Variants in TM7SF3 observed in about 807,000 individuals in gnomAD.
The protein encoded by TM7SF3 is transmembrane 7 superfamily member 3.
TM7SF3 carries 60 observed loss-of-function variants against 65.5 expected under a neutral mutation model. The observed-to-expected ratio is 0.92, with a 90% CI of 0.74 to 1.14. The LOEUF is 1.14. Ranked by LOEUF, TM7SF3 falls within the 50% of genes most tolerant of loss-of-function variation. The pLI, the probability that TM7SF3 is intolerant of heterozygous loss-of-function variation, is 0.00. For missense variants in TM7SF3, 623 were observed against 684.8 expected (o/e 0.91, Z 1.01); for synonymous variants, 264 against 259.6 (o/e 1.02, Z -0.16).
chr12:26,996,152 T>A (rs1292588456), intron 4 of TM7SF3, among the ~76,000 whole-genome samples: 5 of 150,978 alleles, frequency 3.3e-5, no homozygotes, highest in Non-Finnish European at 7.4e-5. Context: ...CATCTTTGAT[T>A]TAAAAAAAAA....
At position 26,975,550 on chromosome 12, in the gene TM7SF3, C is replaced by T. The variant is rs1036505328; in HGVS notation, c.1396G>A (p.Ala466Thr). 1 of 1,614,018 alleles carries T rather than the reference C, an allele frequency of 6.2e-7. No homozygotes were observed. Among genetic ancestry groups the T allele is most frequent in the African/African-American group, 1.3e-5 (1 of 74,928 alleles). Reference sequence around the variant, plus strand: ...GCTCTGTGGAAATCCTTGTTGAGCGCTCTCTTGAGTACGTTCAAAGTGATG... The same window carrying T: ...GCTCTGTGGAAATCCTTGTTGAGCGTTCTCTTGAGTACGTTCAAAGTGATG... The part of the protein sequence containing the change: ...SYITLNVLKR[A>T]LNKDFHRAFT... The change falls in exon 11 of 12, where the codon GCG becomes ACG. Residue 466 changes from alanine to threonine, a missense_variant. By Grantham distance (58) the Ala-to-Thr change is moderately conservative. Transcript: ENST00000343028.
chr12:27,001,771 A>G (rs1207593305), intron 2 of TM7SF3, among the ~76,000 whole-genome samples: 1 of 152,190 alleles, frequency 6.6e-6, no homozygotes, highest in Admixed American at 6.5e-5. Flanking sequence ...TAAGTCTCCT[A>G]TGTAAGAGTC....
chr12:26,990,576 G>A lies in TM7SF3; in HGVS notation c.742C>T (p.Pro248Ser). 1 of 1,614,078 alleles carries A rather than the reference G, an allele frequency of 6.2e-7. No individual in the cohort carries two copies. Among genetic ancestry groups the A allele is most frequent in the Non-Finnish European group, 8.5e-7 (1 of 1,179,940 alleles). The change falls in exon 6 of 12, where the codon CCG (proline) becomes TCG (serine). Residue 248 changes from proline to serine, a missense_variant. Physicochemically the swap from Pro to Ser is moderately conservative, Grantham distance 74. Transcript: ENST00000343028. ...DKTSVSFSSL[P>S]GQGVIYNVIV... The stretch of plus-strand genomic sequence containing the variant: ...ACATTGTATATGACACCTTGTCCCG[G>A]GAGGGAGGAGAAGGAAACACTTGTC...
intron 6 of TM7SF3, among the ~76,000 whole-genome samples, chr12:26,986,575 T>C (rs1940110198): frequency 6.6e-6 from 1 of 152,202 alleles, no homozygotes; most frequent in African/African-American, 2.4e-5. Context: ...CACTGTGCTT[T>C]AACTAGTGTC....
At chr12:26,997,556 C>A (rs1049592040) in intron 3 of TM7SF3, among the ~76,000 whole-genome samples, 1 of 152,144 alleles carries the variant, frequency 6.6e-6, no homozygotes, top group Non-Finnish European at 1.5e-5. Flanking sequence ...GGTAATTAGC[C>A]TTTTGTTATA....
At chr12:26,993,581 G>T (rs1449668703) in intron 5 of TM7SF3, among the ~76,000 whole-genome samples, 2 of 152,104 alleles carry the variant, frequency 1.3e-5, no homozygotes, top group Admixed American at 1.3e-4. Context: ...GAGACTATAA[G>T]GTCACTCCAT....
At chr12:26,993,810 A>G (rs1940476541) in intron 5 of TM7SF3, among the ~76,000 whole-genome samples, 1 of 152,258 alleles carries the variant, frequency 6.6e-6, no homozygotes, top group African/African-American at 2.4e-5. Flanking sequence ...CTGGGGAAGA[A>G]TTAGTTCCTC....
At chr12:27,011,826 C>T (rs937545079) in intron 1 of TM7SF3, among the ~76,000 whole-genome samples, 2 of 152,076 alleles carry the variant, frequency 1.3e-5, no homozygotes, top group Non-Finnish European at 2.9e-5. Context: ...AATATCAGTG[C>T]TATAATCATA....
At chr12:27,001,943 C>T (rs1487538743) in intron 2 of TM7SF3, among the ~76,000 whole-genome samples, 1 of 152,118 alleles carries the variant, frequency 6.6e-6, no homozygotes, top group East Asian at 1.9e-4. Context: ...TGTGTGACAT[C>T]GGTATCTCTT....
intron 1 of TM7SF3, among the ~76,000 whole-genome samples, chr12:27,013,832 A>C (rs1016339845): frequency 9.2e-5 from 14 of 152,216 alleles, no homozygotes; most frequent in Admixed American, 9.2e-4. Flanking sequence ...GTGTTAAAAA[A>C]AGAGAATTAT....
chr12:27,001,030 A>G (rs1295047940), intron 2 of TM7SF3, among the ~76,000 whole-genome samples: 1 of 152,154 alleles, frequency 6.6e-6, no homozygotes, highest in Non-Finnish European at 1.5e-5. Flanking sequence ...TTTGATAAGC[A>G]TAAGAAAGAA....
rs1164170959 is a variant in TM7SF3, at chr12:26,990,619, G to T, written c.699C>A (p.Thr233=). Residue 233 remains threonine, a synonymous_variant, in exon 6 of 12, where the codon ACC becomes ACA. Coordinates refer to ENST00000343028, the MANE Select transcript of TM7SF3 (RefSeq NM_016551.3). Reference sequence around the variant, plus strand: ...CACTTGTCTTATCATTAGCTGTTAGGGTAACCACCTGAAGCCAAAAATAAC... The same window carrying T: ...CACTTGTCTTATCATTAGCTGTTAGTGTAACCACCTGAAGCCAAAAATAAC... ...QVKASALKVV[T]LTANDKTSVS... is the part of the protein sequence containing the mutation. 1 of 1,612,556 alleles carries T rather than the reference G, an allele frequency of 6.2e-7. No individual in the cohort carries two copies. Among genetic ancestry groups the T allele is most frequent in the Non-Finnish European group, 8.5e-7 (1 of 1,179,142 alleles).
rs375421383 is a variant in TM7SF3 at position 26,976,417 on chromosome 12, C to T, written c.1190-60G>A. On this transcript the variant is annotated intron_variant, in intron 9 of 11. Transcript: ENST00000343028. ...AGCTTTACCAAGTTAGAGTTGGTTT[C>T]TTGGAACATCTGAACACAGATATAC... is the stretch of plus-strand genomic sequence containing the variant. 37 of 1,118,276 alleles carry T rather than the reference C, an allele frequency of 3.3e-5. No homozygotes were observed. The African/African-American group carries it at 5.3e-4, about 16-fold the overall frequency. The allele number at this position is 1,118,276 out of a possible 1,614,324, so 69.3% of individuals were successfully genotyped here. A position where few individuals can be genotyped will look rare whatever the true frequency, so the allele number is the denominator to read the frequency against.
At chr12:27,013,916 G>C (rs1455972007) in intron 1 of TM7SF3, among the ~76,000 whole-genome samples, 162 bp downstream of exon 1, 1 of 152,188 alleles carries the variant, frequency 6.6e-6, no homozygotes, top group East Asian at 1.9e-4. Flanking sequence ...TGTTTCCGCT[G>C]CAGGAAACAC....
rs535930771 is a variant in TM7SF3 at position 27,001,938 on chromosome 12, G to A, written c.246+1298C>T. Among the ~76,000 whole-genome samples the A allele has an allele frequency of 4.6e-5, 7 of 152,260 alleles. No homozygotes were observed. In the South Asian group the frequency reaches 1.5e-3, roughly 32 times the overall value. On this transcript the variant is annotated intron_variant, in intron 2 of 11. Transcript: ENST00000343028. ...ACTTGGGCAAATTCGACGTATGTGT[G>A]ACATCGGTATCTCTTGTAATTAATA...
At position 26,974,111 on chromosome 12, in the gene TM7SF3, C is replaced by G; in HGVS notation, c.1567G>C (p.Glu523Gln). 6.2e-7 allele frequency: 1 copy of G among 1,614,222 alleles called. No homozygotes were observed. The highest frequency in any genetic ancestry group is 1.3e-5 in the African/African-American group (1 of 75,058). ...ATGTTTGTCACTCGGCGCTCTCTCT[C>G]TTGCTTCCATAACTTGTATGGGTGG... ...PPHPYKLWKQ[E>Q]RERRVTNILD... is the part of the protein sequence containing the mutation. Residue 523 changes from glutamate (E) to glutamine (Q), a missense_variant, in exon 12 of 12, where the codon GAG becomes CAG. Transcript: ENST00000343028.
chr12:26,999,712 G>C, intron 2 of TM7SF3, 36 bp from the exon 3 acceptor site: 1 of 1,610,374 alleles, frequency 6.2e-7, no homozygotes, highest in Non-Finnish European at 8.5e-7. Context: ...TGAATAGGAA[G>C]TCGACCAAAA....
chr12:26,974,527 TTG>T (rs1939489676), intron 11 of TM7SF3, among the ~76,000 whole-genome samples: 1 of 152,180 alleles, frequency 6.6e-6, no homozygotes, highest in Non-Finnish European at 1.5e-5. Flanking sequence ...CCACAGTTGT[TTG>T]TGTGTTTTTT....
rs183993577 is a variant in TM7SF3 at position 26,990,466 on chromosome 12, A to T, written c.852T>A (p.Gly284=). The change falls in exon 6 of 12, where the codon GGT becomes GGA. Residue 284 remains glycine (G), a synonymous_variant. Coordinates refer to ENST00000343028, the MANE Select transcript of TM7SF3 (RefSeq NM_016551.3). ...TYACSFEAGE[G]SCASLGRVSS... is the part of the protein sequence containing the mutation. ...CATACTCACCTAGGGAAGCACAACTACCCTCTCCTGCCTCAAAGCTGCAAG... is the reference window on the plus strand; with the variant it reads ...CATACTCACCTAGGGAAGCACAACTTCCCTCTCCTGCCTCAAAGCTGCAAG... 1.3e-4 allele frequency: 205 copies of T among 1,613,402 alleles called. 1 individual carries two copies. In the East Asian group the frequency reaches 4.1e-3, roughly 32 times the overall value.
Sources: gnomAD v4.1 joint callset for allele counts (sites outside exome capture counted in the v4.1 genomes callset) on GRCh38, gnomAD v4.1.1 for gene constraint, MANE v1.5 for transcripts, NCBI Gene and HGNC (gene_info 2026-07-23, HGNC 2026-07-21) for gene names.